EPN1: variants seen among roughly 807,000 people sequenced by gnomAD.
The protein encoded by EPN1 is epsin 1.
Under a neutral mutation model 56.9 loss-of-function variants are expected in EPN1, and 25 were observed. The ratio of observed to expected loss-of-function variants is 0.44; its 90% CI spans 0.32 to 0.61. The LOEUF (loss-of-function observed/expected upper bound fraction) is 0.61. EPN1 is among the 20% of genes least tolerant of loss of function. The probability of loss-of-function intolerance (pLI) is 0.05; values close to 1 mark genes in which losing one functional copy is unlikely to be tolerated. For missense variants in EPN1, 785 were observed against 823.7 expected (o/e 0.95, Z 0.58); for synonymous variants, 411 against 361.8 (o/e 1.14, Z -1.54).
At chr19:55,685,009 C>T (rs1475936990) in intron 2 of EPN1, among the ~76,000 whole-genome samples, 1 of 152,246 alleles carries the variant, frequency 6.6e-6, no homozygotes, top group Non-Finnish European at 1.5e-5. Context: ...GTCTTCATTG[C>T]CCCAGAAGGA....
Position 55,692,044 on chromosome 19 carries a change from G to T in EPN1, c.1053G>T (p.Trp351Cys). The change falls in exon 7 of 11, where the codon TGG (tryptophan) becomes TGT (cysteine). Residue 351 changes from tryptophan to cysteine, a missense_variant. By Grantham distance (215) the Trp-to-Cys change is radical. Transcript: ENST00000270460. ...GGGAGGGGCCCACGCCTGATCCATGGGGAAGTTCCGATGGTGAGTGCGTGG... is the reference window on the plus strand; with the variant it reads ...GGGAGGGGCCCACGCCTGATCCATGTGGAAGTTCCGATGGTGAGTGCGTGG... ...AAGEGPTPDP[W>C]GSSDGGVPVS... 6.9e-7 allele frequency: 1 copy of T among 1,449,300 alleles called. No homozygotes were observed. Among genetic ancestry groups the T allele is most frequent in the Non-Finnish European group, 9.0e-7 (1 of 1,107,224 alleles). 89.8% of individuals were successfully genotyped at this position (1,449,300 alleles called of 1,614,324 possible).
intron 2 of EPN1, among the ~76,000 whole-genome samples, chr19:55,681,035 G>T (rs1985783065): frequency 6.6e-6 from 1 of 152,240 alleles, no homozygotes. Context: ...GCCGAGGCTC[G>T]TGGGGGAGCT....
chr19:55,686,455 C>T (rs1358600446), intron 3 of EPN1, among the ~76,000 whole-genome samples: 1 of 151,998 alleles, frequency 6.6e-6, no homozygotes, highest in African/African-American at 2.4e-5. Context: ...AGAGCACTGC[C>T]CTGGAGGTGG....
At chr19:55,677,467 G>T in intron 1 of EPN1, 1 of 772,000 alleles carries the variant, frequency 1.3e-6, no homozygotes, top group Non-Finnish European at 2.1e-6. Flanking sequence ...AAAAGTATGA[G>T]TTTTGGAGTT....
At chr19:55,693,430 C>T (rs537950399) in intron 9 of EPN1, 32 of 163,062 alleles carry the variant, frequency 2.0e-4, no homozygotes, top group Non-Finnish European at 3.7e-4. Context: ...CCTTCCGGGT[C>T]GCCACTCACC....
Position 55,701,251 on chromosome 19 carries a change from C to T in EPN1, c.*5895C>T, listed in dbSNP as rs1443551566. 1 of 152,012 alleles carries T rather than the reference C, an allele frequency of 6.6e-6. No homozygotes were observed. Among genetic ancestry groups the T allele is most frequent in the East Asian group, 1.9e-4 (1 of 5,164 alleles). The allele number at this position is 152,012 out of a possible 1,614,324, so 9.4% of individuals were successfully genotyped here. The stretch of plus-strand genomic sequence containing the variant: ...GGATCACGAGGTCAGGAGTTCGAGA[C>T]CAGCCTGGCCAACATGGCGAAACCC... On this transcript the variant is annotated 3_prime_UTR_variant, in exon 11 of 11. Transcript: ENST00000270460.
chr19:55,691,649 G>T lies in EPN1; in HGVS notation c.763-105G>T. On this transcript the variant is annotated intron_variant, in intron 6 of 10. Coordinates refer to ENST00000270460, the MANE Select transcript of EPN1 (RefSeq NM_001130072.2). The surrounding 1 kb of genome is among the most constrained non-coding windows in gnomAD (Gnocchi z 5.6). ...ACCCCTTATGGATGGCTGCTGTCTGGACACCCAGGGCCTGGCCGCCTCCCC... is the reference window on the plus strand; with the variant it reads ...ACCCCTTATGGATGGCTGCTGTCTGTACACCCAGGGCCTGGCCGCCTCCCC... 1.0e-6 allele frequency: 1 copy of T among 954,062 alleles called. No homozygotes were observed. The highest frequency in any genetic ancestry group is 1.6e-6 in the Non-Finnish European group (1 of 621,800). 59.1% of individuals were successfully genotyped at this position (954,062 alleles called of 1,614,324 possible).
Position 55,692,932 on chromosome 19 carries a change from G to A in EPN1, c.1178-19G>A, listed in dbSNP as rs1331733032. ...CGGGGCCCCAGGGAGGGGCTGAGCA[G>A]AACATCCTGACCCCACAGCAGCCGG... is the stretch of plus-strand genomic sequence containing the variant. On this transcript the variant is annotated intron_variant, in intron 8 of 10. Coordinates refer to ENST00000270460, the MANE Select transcript of EPN1 (RefSeq NM_001130072.2). The A allele has an allele frequency of 3.1e-6, 5 of 1,612,890 alleles. No individual in the cohort carries two copies. The African/African-American group carries it at 4.0e-5, about 13-fold the overall frequency.
chr19:55,705,633 A>G lies in EPN1; in HGVS notation c.*10277A>G, dbSNP rs1987353460. On this transcript the variant is annotated 3_prime_UTR_variant, in exon 11 of 11. Transcript: ENST00000270460. ...CATTGCACTCCAGCATGGACAACAG[A>G]GCAAGACCCTTTCTTAGAAAAAAGA... is the stretch of plus-strand genomic sequence containing the variant. The G allele has an allele frequency of 6.6e-6, 1 of 152,074 alleles. No individual in the cohort carries two copies. Among genetic ancestry groups the G allele is most frequent in the Non-Finnish European group, 1.5e-5 (1 of 68,002 alleles). 9.4% of individuals were successfully genotyped at this position (152,074 alleles called of 1,614,324 possible).
chr19:55,684,832 A>T (rs1281338350), intron 2 of EPN1, among the ~76,000 whole-genome samples: 1 of 152,268 alleles, frequency 6.6e-6, no homozygotes, highest in Non-Finnish European at 1.5e-5. Context: ...GGGCTCCAGG[A>T]TGCCAGGCGA....
rs777346981 is a variant in EPN1 at position 55,701,863 on chromosome 19, A to AGGAGGGGTGT, written c.*6508_*6517dup. ...CAGGGGTTTTATAGATGGGCTAGTG[A>AGGAGGGGTGT]GGAGGGGTGTCTTTTCTTCCTAGGG... On this transcript the variant is annotated 3_prime_UTR_variant, in exon 11 of 11. Transcript: ENST00000270460. The AGGAGGGGTGT allele has an allele frequency of 4.0e-5, 6 of 150,654 alleles. No individual in the cohort carries two copies. The highest frequency in any genetic ancestry group is 8.9e-5 in the Non-Finnish European group (6 of 67,738). 9.3% of individuals were successfully genotyped at this position (150,654 alleles called of 1,614,324 possible).
intron 1 of EPN1, chr19:55,676,802 G>T (rs1985463931): frequency 5.7e-6 from 1 of 174,884 alleles, no homozygotes; most frequent in Non-Finnish European, 1.2e-5. Context: ...TTCTTCCTTG[G>T]CCTCCTGCCT....
chr19:55,688,691 C>T (rs34046411), intron 3 of EPN1, among the ~76,000 whole-genome samples, 179 bp from the exon 4 acceptor site: 4 of 151,966 alleles, frequency 2.6e-5, no homozygotes, highest in Non-Finnish European at 5.9e-5. Flanking sequence ...ACCCTTCCTC[C>T]TCTGAGCACC....
At chr19:55,685,339 T>G in intron 2 of EPN1, 57 bp from the exon 3 acceptor site, 1 of 1,571,674 alleles carries the variant, frequency 6.4e-7, no homozygotes, top group Non-Finnish European at 8.6e-7. Context: ...TCGCAGGCAG[T>G]CTCTGGCCCG....
rs1987209764 is a variant in EPN1 at position 55,702,848 on chromosome 19, GC to G, written c.*7493del. 6.6e-6 allele frequency: 1 copy of G among 151,774 alleles called. No homozygotes were observed. The allele number at this position is 151,774 out of a possible 1,614,324, so 9.4% of individuals were successfully genotyped here. A position where few individuals can be genotyped will look rare whatever the true frequency, so the allele number is the denominator to read the frequency against. ...CTTGCACTGTCACCCAGGCTGGAGT[GC>G]AGTGGTGCGATCTCGGCTCACTGCA... On this transcript the variant is annotated 3_prime_UTR_variant, in exon 11 of 11. Transcript: ENST00000270460.
At chr19:55,684,570 C>A (rs1986036766) in intron 2 of EPN1, among the ~76,000 whole-genome samples, 1 of 152,190 alleles carries the variant, frequency 6.6e-6, no homozygotes, top group African/African-American at 2.4e-5. Flanking sequence ...TCCGCCCTGT[C>A]CTTTTGCTCC....
rs1317398424 is a variant in EPN1, at chr19:55,702,642, C to CT, written c.*7291dup. Reference sequence around the variant, plus strand: ...GAGAAAGGGAGCAATTTCTAAGCTGCTTTTTGTTAGGAAGTTTTTTGCTGG... The same window carrying CT: ...GAGAAAGGGAGCAATTTCTAAGCTGCTTTTTTGTTAGGAAGTTTTTTGCTGG... On this transcript the variant is annotated 3_prime_UTR_variant, in exon 11 of 11. Transcript: ENST00000270460. The CT allele has an allele frequency of 2.6e-5, 4 of 152,184 alleles. No individual in the cohort carries two copies. Among genetic ancestry groups the CT allele is most frequent in the Non-Finnish European group, 5.9e-5 (4 of 68,044 alleles). 9.4% of individuals were successfully genotyped at this position (152,184 alleles called of 1,614,324 possible). A position where few individuals can be genotyped will look rare whatever the true frequency, so the allele number is the denominator to read the frequency against.
chr19:55,691,236 C>T lies in EPN1; in HGVS notation c.763-518C>T, dbSNP rs561413329. ...CTGCAGCGCGATGACTGCGGGGTGA[C>T]GGCGGGGCAACGTAGGGGGCATCGT... On this transcript the variant is annotated intron_variant, in intron 6 of 10. Transcript: ENST00000270460. This position sits in a 1 kb window ranked among gnomAD's most constrained non-coding sequence, Gnocchi z 5.6. Among the ~76,000 whole-genome samples the T allele has an allele frequency of 2.6e-5, 4 of 151,902 alleles. No individual in the cohort carries two copies. Among genetic ancestry groups the T allele is most frequent in the South Asian group, 4.2e-4 (2 of 4,808 alleles).
At position 55,699,595 on chromosome 19, in the gene EPN1, C is replaced by T. The variant is rs1169721222; in HGVS notation, c.*4239C>T. On this transcript the variant is annotated 3_prime_UTR_variant, in exon 11 of 11. Transcript: ENST00000270460. Reference sequence around the variant, plus strand: ...TAGAGTGCAGCCACGGCTGCTTCTGCACTACAGTGGCAATGGTGACATTGA... The same window carrying T: ...TAGAGTGCAGCCACGGCTGCTTCTGTACTACAGTGGCAATGGTGACATTGA... The T allele has an allele frequency of 6.6e-6, 1 of 152,200 alleles. No individual in the cohort carries two copies. Among genetic ancestry groups the T allele is most frequent in the African/African-American group, 2.4e-5 (1 of 41,462 alleles). The allele number at this position is 152,200 out of a possible 1,614,324, so 9.4% of individuals were successfully genotyped here. A position where few individuals can be genotyped will look rare whatever the true frequency, so the allele number is the denominator to read the frequency against.
Sources: allele counts gnomAD v4.1 joint callset (sites outside exome capture counted in the v4.1 genomes callset), GRCh38; gene constraint gnomAD v4.1.1; non-coding constraint Gnocchi (gnomAD v3.1); transcripts MANE v1.5; gene names NCBI Gene and HGNC (gene_info 2026-07-23, HGNC 2026-07-21).